The following ENOX2 variants were observed in gnomAD, a reference collection of about 807,000 sequenced individuals.
ENOX2 encodes the protein APK1 antigen.
ENOX2 carries 36 observed loss-of-function variants against 45.0 expected under a neutral mutation model. That is an observed-to-expected ratio of 0.80 (90% CI 0.61 to 1.06). The LOEUF is 1.06. Ranked by LOEUF, ENOX2 falls within the 50% of genes least tolerant of loss-of-function variation. The pLI is 0.00. For missense variants in ENOX2, 423 were observed against 462.5 expected (o/e 0.91, Z 0.78); for synonymous variants, 174 against 152.3 (o/e 1.14, Z -1.05).
At chrX:130,748,499 T>A (rs1191338982) in intron 3 of ENOX2, among the ~76,000 whole-genome samples, 1 of 111,975 alleles carries the variant, frequency 8.9e-6, no homozygotes, top group East Asian at 2.8e-4. Flanking sequence ...ACTCCCCTCT[T>A]TAATTTCTTC....
Position 130,667,686 on chromosome X carries a change from C to CTT in ENOX2, c.750_751insAA (p.Glu251LysfsTer14). The CTT allele has an allele frequency of 8.3e-7, 1 of 1,211,020 alleles. No homozygotes were observed. ...TTATTGGCGCTACGACGGTTGACCT[C>CTT]TCCTCGCTCTATCCAGGTAAGCAAG... On this transcript the variant is annotated frameshift_variant, in exon 8 of 15. Transcript: ENST00000394363. LOFTEE classifies it high-confidence loss of function.
intron 2 of ENOX2, among the ~76,000 whole-genome samples, chrX:130,874,791 T>C (rs2078662719): frequency 9.0e-6 from 1 of 111,030 alleles, no homozygotes. Flanking sequence ...AACAGAAACA[T>C]GTAGAGACAT....
intron 2 of ENOX2, among the ~76,000 whole-genome samples, chrX:130,860,958 A>G (rs758258012): frequency 1.8e-5 from 2 of 112,135 alleles, no homozygotes; most frequent in African/African-American, 6.5e-5. Flanking sequence ...ATAAGTGAGC[A>G]AAGTACCTAA....
intron 4 of ENOX2, among the ~76,000 whole-genome samples, chrX:130,701,974 A>C (rs1301859385): frequency 9.1e-6 from 1 of 109,860 alleles, no homozygotes; most frequent in East Asian, 2.9e-4. Context: ...TTTTTTCTCC[A>C]CCCATTTCTT....
chrX:130,731,245 G>A (rs1158567634), intron 3 of ENOX2, among the ~76,000 whole-genome samples: 2 of 111,942 alleles, frequency 1.8e-5, no homozygotes, highest in East Asian at 2.8e-4. Flanking sequence ...AAAATAAGGT[G>A]CATAAAGTTT....
intron 2 of ENOX2, among the ~76,000 whole-genome samples, chrX:130,842,937 T>C (rs944206803): frequency 9.0e-6 from 1 of 111,427 alleles, no homozygotes; most frequent in South Asian, 3.8e-4. Flanking sequence ...AATAGCAGAA[T>C]AGTGTACGTA....
At chrX:130,638,415 T>G (rs1393233918) in intron 10 of ENOX2, among the ~76,000 whole-genome samples, 5 of 102,149 alleles carry the variant, frequency 4.9e-5, no homozygotes, top group African/African-American at 1.5e-4. Context: ...AAAATAACTG[T>G]TAAACAACAA....
At chrX:130,634,759 T>C (rs1189755935) in intron 12 of ENOX2, among the ~76,000 whole-genome samples, 2 of 111,356 alleles carry the variant, frequency 1.8e-5, no homozygotes, top group Admixed American at 1.9e-4. Flanking sequence ...CGACTTCTTA[T>C]TCATTGAAAG....
intron 2 of ENOX2, among the ~76,000 whole-genome samples, chrX:130,786,562 C>T (rs2076972914): frequency 1.2e-5 from 1 of 81,055 alleles, no homozygotes; most frequent in African/African-American, 4.6e-5. Flanking sequence ...CCTCCCCCCA[C>T]CCCACCACAG....
chrX:130,743,687 C>G (rs1386822186), intron 3 of ENOX2, among the ~76,000 whole-genome samples: 1 of 109,983 alleles, frequency 9.1e-6, no homozygotes, highest in Non-Finnish European at 1.9e-5. Flanking sequence ...ACCATGTTGG[C>G]CAGGCTGGTC....
chrX:130,860,143 G>C (rs889229962), intron 2 of ENOX2, among the ~76,000 whole-genome samples: 2 of 110,660 alleles, frequency 1.8e-5, no homozygotes, highest in African/African-American at 3.3e-5. Flanking sequence ...TTTTAGTAGA[G>C]ACTGGGTTTC....
At chrX:130,732,864 A>ACAAAAAT (rs1190009887) in intron 3 of ENOX2, among the ~76,000 whole-genome samples, 25 of 112,129 alleles carry the variant, frequency 2.2e-4, no homozygotes, top group African/African-American at 8.1e-4. Context: ...TACACCATAC[A>ACAAAAAT]CAAAAATCAA....
chrX:130,776,705 C>T (rs2148383357), intron 3 of ENOX2, among the ~76,000 whole-genome samples: 1 of 111,894 alleles, frequency 8.9e-6, no homozygotes, highest in African/African-American at 3.2e-5. Flanking sequence ...TGGCCTAACA[C>T]AACCACAGAC....
chrX:130,724,986 C>T (rs2038572218), intron 3 of ENOX2, among the ~76,000 whole-genome samples: 1 of 111,480 alleles, frequency 9.0e-6, no homozygotes, highest in Admixed American at 9.5e-5. Context: ...TTCACCAGAA[C>T]AGGCAGCAAA....
At chrX:130,767,075 ATGTTTAGCTC>A (rs1245743697) in intron 3 of ENOX2, among the ~76,000 whole-genome samples, 1 of 111,572 alleles carries the variant, frequency 9.0e-6, no homozygotes, top group Non-Finnish European at 1.9e-5. Flanking sequence ...AGTAAACTAT[ATGTTTAGCTC>A]TGTATTAGTT....
chrX:130,792,984 C>A (rs774859142), intron 2 of ENOX2, among the ~76,000 whole-genome samples: 1 of 112,079 alleles, frequency 8.9e-6, no homozygotes, highest in South Asian at 3.7e-4. Flanking sequence ...GCTCTAGAGT[C>A]AGATCTGCAT....
At chrX:130,631,699 C>G in intron 12 of ENOX2, 123 bp from the exon 13 acceptor site, 1 of 401,163 alleles carries the variant, frequency 2.5e-6, no homozygotes, top group Middle Eastern at 4.1e-4. Context: ...ATTTGGATTA[C>G]TGAATGGGAG....
Position 130,656,635 on chromosome X carries a change from T to C in ENOX2, c.1075A>G (p.Met359Val). 1 of 1,183,950 alleles carries C rather than the reference T, an allele frequency of 8.4e-7. No individual in the cohort carries two copies. Among genetic ancestry groups the C allele is most frequent in the Non-Finnish European group, 1.1e-6 (1 of 872,665 alleles). ...ATTTCTTCTATTTCATCATCAGACATTTCCATTTCTTCTTCTCGCCTGATT... is the reference window on the plus strand; with the variant it reads ...ATTTCTTCTATTTCATCATCAGACACTTCCATTTCTTCTTCTCGCCTGATT... Reference protein sequence around the residue: ...MGIRREEEMEMSDDEIEEMTE... With the variant: ...MGIRREEEMEVSDDEIEEMTE... Residue 359 changes from methionine (M) to valine (V), a missense_variant, in exon 10 of 15, where the codon ATG becomes GTG. This residue lies in a region of ENOX2 where 261 missense variants were observed against 306.8 expected (regional missense o/e 0.85). Transcript: ENST00000394363.
At chrX:130,680,453 A>C (rs1006446522) in intron 5 of ENOX2, among the ~76,000 whole-genome samples, 7 of 112,007 alleles carry the variant, frequency 6.2e-5, no homozygotes, top group Admixed American at 2.8e-4. Flanking sequence ...GGAAATCATT[A>C]ACTAAAGTGA....
Sources: allele counts gnomAD v4.1 joint callset (sites outside exome capture counted in the v4.1 genomes callset), GRCh38; gene constraint gnomAD v4.1.1; regional missense constraint gnomAD v4.1.1; transcripts MANE v1.5; gene names NCBI Gene and HGNC (gene_info 2026-07-23, HGNC 2026-07-21).